Variants in PGBD2 observed in about 807,000 individuals in gnomAD.
PGBD2 encodes the protein piggyBac transposable element-derived protein 2.
In PGBD2, 6 loss-of-function variants were observed where a neutral mutation model predicts 8.1. That is an observed-to-expected ratio of 0.74 (90% CI 0.40 to 1.46). The LOEUF (loss-of-function observed/expected upper bound fraction) is 1.46, where lower values mean the gene tolerates loss of function less well. PGBD2 is among the 40% of genes most tolerant of loss of function. The probability of loss-of-function intolerance (pLI) is 0.02; values close to 1 mark genes in which losing one functional copy is unlikely to be tolerated. For missense variants in PGBD2, 802 were observed against 739.0 expected, an observed-to-expected ratio of 1.09 and a Z score of -0.99; for synonymous variants, 318 against 272.2, an observed-to-expected ratio of 1.17 and a Z score of -1.66.
At chr1:248,893,116 T>C in the PGBD2 span, among the ~76,000 whole-genome samples, 1 of 152,228 alleles carries the variant, frequency 6.6e-6, no homozygotes, top group Non-Finnish European at 1.5e-5. Context: ...ACATAATTAA[T>C]GTATACAATT....
intron 1 of PGBD2, among the ~76,000 whole-genome samples, chr1:248,911,206 G>A (rs1215290957): frequency 6.6e-6 from 1 of 151,648 alleles, no homozygotes; most frequent in Non-Finnish European, 1.5e-5. Context: ...TGGAGGGAAG[G>A]TCAGCAGATA....
At chr1:248,880,816 A>C in the PGBD2 span, among the ~76,000 whole-genome samples, 1 of 152,108 alleles carries the variant, frequency 6.6e-6, no homozygotes, top group Non-Finnish European at 1.5e-5. Flanking sequence ...GACTCCTAAA[A>C]ATTTGCAGTT....
the PGBD2 span, among the ~76,000 whole-genome samples, chr1:248,879,793 T>C: frequency 6.6e-6 from 1 of 152,330 alleles, no homozygotes; most frequent in East Asian, 1.9e-4. Flanking sequence ...TCGGACCATA[T>C]GTCATTGTCA....
At chr1:248,927,722 C>T in the PGBD2 span, among the ~76,000 whole-genome samples, 1 of 152,136 alleles carries the variant, frequency 6.6e-6, no homozygotes, top group Non-Finnish European at 1.5e-5. Context: ...AGAATGCCTA[C>T]AAGAGCTCTT....
At chr1:248,894,667 T>C in the PGBD2 span, among the ~76,000 whole-genome samples, 1 of 149,878 alleles carries the variant, frequency 6.7e-6, no homozygotes, top group African/African-American at 2.5e-5. Flanking sequence ...TTTTTTCTTC[T>C]TTTTCCCTTT....
chr1:248,917,112 T>C lies in PGBD2; in HGVS notation c.528T>C (p.Ala176=). The change falls in exon 3 of 3, where the codon GCT becomes GCC. Residue 176 remains alanine (A), a synonymous_variant. Transcript: ENST00000329291. The part of the protein sequence containing the change: ...WQKNVNLSLT[A]QELKCVLGIL... The stretch of plus-strand genomic sequence containing the variant: ...AAAATGTCAATTTGAGTCTTACGGC[T>C]CAGGAATTGAAGTGTGTTTTGGGCA... The C allele has an allele frequency of 6.2e-7, 1 of 1,614,094 alleles. No individual in the cohort carries two copies. The highest frequency in any genetic ancestry group is 8.5e-7 in the Non-Finnish European group (1 of 1,180,018).
At chr1:248,914,675 G>C (rs1662028288) in intron 2 of PGBD2, 2 of 1,113,524 alleles carry the variant, frequency 1.8e-6, no homozygotes, top group Admixed American at 4.9e-5. Flanking sequence ...GGACCTCTGT[G>C]CCTACCCTCC....
upstream of PGBD2, among the ~76,000 whole-genome samples, chr1:248,904,770 C>A (rs1661591124): frequency 6.6e-6 from 1 of 152,188 alleles, no homozygotes; most frequent in Non-Finnish European, 1.5e-5. Flanking sequence ...ACTTACCAAC[C>A]TTCCCTGACC....
the PGBD2 span, among the ~76,000 whole-genome samples, chr1:248,897,845 G>A: frequency 6.6e-6 from 1 of 152,224 alleles, no homozygotes; most frequent in Non-Finnish European, 1.5e-5. Context: ...AGTTCCTGGG[G>A]AAAGGGGCAG....
At chr1:248,900,413 T>G in the PGBD2 span, among the ~76,000 whole-genome samples, 2 of 152,168 alleles carry the variant, frequency 1.3e-5, no homozygotes, top group Non-Finnish European at 2.9e-5. Flanking sequence ...GTTGTCTTCA[T>G]CCCCAGGATG....
the PGBD2 span, among the ~76,000 whole-genome samples, chr1:248,883,287 C>G: frequency 3.3e-5 from 5 of 152,016 alleles, no homozygotes; most frequent in African/African-American, 1.2e-4. Context: ...CTACGCCTGG[C>G]TAATTTTGTA....
chr1:248,929,806 G>A, the PGBD2 span, among the ~76,000 whole-genome samples: 2 of 152,346 alleles, frequency 1.3e-5, no homozygotes, highest in Middle Eastern at 3.4e-3. Flanking sequence ...GGTCAAAAGT[G>A]CAGGAAACTC....
At chr1:248,896,902 TCA>T in the PGBD2 span, among the ~76,000 whole-genome samples, 1 of 152,146 alleles carries the variant, frequency 6.6e-6, no homozygotes, top group African/African-American at 2.4e-5. Flanking sequence ...ACCCAGGAAA[TCA>T]CACTTTTCCC....
intron 1 of PGBD2, among the ~76,000 whole-genome samples, chr1:248,910,955 C>T (rs1391399129): frequency 6.6e-6 from 1 of 152,104 alleles, no homozygotes; most frequent in Non-Finnish European, 1.5e-5. Context: ...GAAACCACCA[C>T]CACAACCAAG....
chr1:248,888,804 T>G, the PGBD2 span, among the ~76,000 whole-genome samples: 9 of 152,334 alleles, frequency 5.9e-5, no homozygotes, highest in East Asian at 1.7e-3. Context: ...TAGTCATAAA[T>G]TATTTGCCAA....
the PGBD2 span, among the ~76,000 whole-genome samples, chr1:248,883,340 C>T: frequency 2.6e-5 from 4 of 152,096 alleles, no homozygotes; most frequent in Non-Finnish European, 5.9e-5. Flanking sequence ...TCAGGCTGGT[C>T]TCAAACTCCC....
chr1:248,895,015 G>T, the PGBD2 span, among the ~76,000 whole-genome samples: 1,554 of 152,058 alleles, frequency 0.01, 35 homozygotes, highest in African/African-American at 0.036. Flanking sequence ...ATGTTGTCCA[G>T]GCTGGTCTCT....
intron 1 of PGBD2, among the ~76,000 whole-genome samples, chr1:248,909,060 C>G (rs1239696099): frequency 3.3e-5 from 5 of 152,116 alleles, no homozygotes; most frequent in African/African-American, 4.8e-5. Flanking sequence ...AGATGTTTGC[C>G]AAACGAATGA....
chr1:248,891,829 A>G, the PGBD2 span, among the ~76,000 whole-genome samples: 1 of 152,246 alleles, frequency 6.6e-6, no homozygotes, highest in African/African-American at 2.4e-5. Context: ...GTCTTTTTAA[A>G]AAAGAAAAAA....
Sources: allele counts gnomAD v4.1 joint callset (sites outside exome capture counted in the v4.1 genomes callset), GRCh38; gene constraint gnomAD v4.1.1; transcripts MANE v1.5; gene names NCBI Gene and HGNC (gene_info 2026-07-23, HGNC 2026-07-21).